Variants in FYTTD1 observed in about 807,000 individuals in gnomAD.
The protein encoded by FYTTD1 is forty-two-three domain containing 1.
In FYTTD1, 22 loss-of-function variants were observed where a neutral mutation model predicts 40.9. That is an observed-to-expected ratio of 0.54 (90% confidence interval 0.38 to 0.77). The LOEUF (loss-of-function observed/expected upper bound fraction) is 0.77. FYTTD1 is among the 30% of genes least tolerant of loss of function. FYTTD1 has a pLI of 0.00. For synonymous variants in FYTTD1, 140 were observed against 137.9 expected (o/e 1.01, Z -0.10); for missense variants, 351 against 392.2 (o/e 0.90, Z 0.89).
intron 1 of FYTTD1, among the ~76,000 whole-genome samples, chr3:197,752,250 C>T (rs981837754): frequency 1.3e-5 from 2 of 150,808 alleles, no homozygotes; most frequent in Non-Finnish European, 3.0e-5. Context: ...AATCCAGATC[C>T]ACACTGTCTC....
At chr3:197,767,642 C>T (rs913579104) in intron 2 of FYTTD1, among the ~76,000 whole-genome samples, 9 of 151,958 alleles carry the variant, frequency 5.9e-5, no homozygotes, top group Non-Finnish European at 1.0e-4. Context: ...TTTTTAGAGG[C>T]GAGGCCTCAC....
At chr3:197,754,275 C>T (rs538386762) in intron 1 of FYTTD1, among the ~76,000 whole-genome samples, 3 of 152,026 alleles carry the variant, frequency 2.0e-5, no homozygotes, top group African/African-American at 7.2e-5. Flanking sequence ...TGATGTTGAC[C>T]TTTTAATTTT....
At position 197,786,044 on chromosome 3, in the gene FYTTD1, A is replaced by G. The variant is rs1181551342; in HGVS notation, c.*4135A>G. The stretch of plus-strand genomic sequence containing the variant: ...ATTTAAAGATTTACTTAGAAATTGT[A>G]GACTTCTAATATCTTTTATTTCCCT... On this transcript the variant is annotated 3_prime_UTR_variant, in exon 9 of 9. Coordinates refer to ENST00000241502, the MANE Select transcript of FYTTD1 (RefSeq NM_032288.7). 1.3e-5 allele frequency: 2 copies of G among 151,120 alleles called. No individual in the cohort carries two copies. The highest frequency in any genetic ancestry group is 3.0e-5 in the Non-Finnish European group (2 of 67,776). 9.4% of individuals were successfully genotyped at this position (151,120 alleles called of 1,614,324 possible).
At chr3:197,750,343 G>C in intron 1 of FYTTD1, 2 of 1,145,144 alleles carry the variant, frequency 1.7e-6, no homozygotes, top group East Asian at 4.1e-5. Context: ...CTGCGGGCCC[G>C]AAGGTTCGCA....
In FYTTD1 at chr3:197,766,430, GGTGTGT is replaced by G. The variant is rs111725145; in HGVS notation, c.236-1984_236-1979del. The stretch of plus-strand genomic sequence containing the variant: ...ATAGGTGTGTGTCGTGTTTGAGACT[GGTGTGT>G]GTGTGTGTGTGTGTGTGTGTGTGTT... On this transcript the variant is annotated intron_variant, in intron 2 of 8. Transcript: ENST00000241502. 1.5e-3 allele frequency among the ~76,000 whole-genome samples: 203 copies of G among 135,068 alleles called. 2 individuals are homozygous for G. Among genetic ancestry groups the G allele is most frequent in the African/African-American group, 5.2e-3 (193 of 36,996 alleles). The allele number at this position is 135,068 out of a possible 152,430, so 88.6% of individuals were successfully genotyped here.
At position 197,782,821 on chromosome 3, in the gene FYTTD1, C is replaced by T. The variant is rs996814798; in HGVS notation, c.*912C>T. ...TTATAACTATTACATTGAATGGAGT[C>T]CCTTGGATATTTTGATAGTAAAATT... On this transcript the variant is annotated 3_prime_UTR_variant, in exon 9 of 9. Transcript: ENST00000241502. 1 of 152,226 alleles carries T rather than the reference C, an allele frequency of 6.6e-6. No homozygotes were observed. Among genetic ancestry groups the T allele is most frequent in the Non-Finnish European group, 1.5e-5 (1 of 68,008 alleles). 9.4% of individuals were successfully genotyped at this position (152,226 alleles called of 1,614,324 possible).
At chr3:197,753,035 T>C (rs754576961) in intron 1 of FYTTD1, among the ~76,000 whole-genome samples, 1 of 152,186 alleles carries the variant, frequency 6.6e-6, no homozygotes, top group Non-Finnish European at 1.5e-5. Context: ...AGCAATGAAG[T>C]GCTGTGGAGA....
At chr3:197,751,363 G>C (rs1368456312) in intron 1 of FYTTD1, among the ~76,000 whole-genome samples, 1 of 152,226 alleles carries the variant, frequency 6.6e-6, no homozygotes, top group African/African-American at 2.4e-5. Flanking sequence ...AGCTGGGGCT[G>C]GGCGCGGTGG....
upstream of FYTTD1, chr3:197,749,675 G>T: frequency 1.4e-6 from 1 of 714,344 alleles, no homozygotes; most frequent in Non-Finnish European, 2.3e-6. Flanking sequence ...GCATCCCCCA[G>T]TTTGGGCGGA....
intron 2 of FYTTD1, among the ~76,000 whole-genome samples, chr3:197,765,359 G>A (rs1426440849): frequency 1.3e-5 from 2 of 152,078 alleles, no homozygotes; most frequent in African/African-American, 4.8e-5. Context: ...GTTAGCATCA[G>A]TCTTATCAGA....
chr3:197,753,125 A>T (rs532299463), intron 1 of FYTTD1, among the ~76,000 whole-genome samples: 44 of 152,274 alleles, frequency 2.9e-4, no homozygotes, highest in African/African-American at 1.1e-3. Context: ...TGAGAATTTT[A>T]CAGAAATGGG....
At chr3:197,751,650 G>T (rs1580441244) in intron 1 of FYTTD1, among the ~76,000 whole-genome samples, 1 of 119,192 alleles carries the variant, frequency 8.4e-6, no homozygotes, top group Non-Finnish European at 1.7e-5. Context: ...CTCCCCCCCC[G>T]CAAAAAAGAG....
intron 2 of FYTTD1, among the ~76,000 whole-genome samples, chr3:197,763,120 A>C (rs191629959): frequency 3.9e-5 from 6 of 152,268 alleles, no homozygotes; most frequent in Admixed American, 3.9e-4. Flanking sequence ...TCTTACTAAT[A>C]GTTTTTATTT....
At chr3:197,780,758 T>C (rs866972266) in intron 8 of FYTTD1, among the ~76,000 whole-genome samples, 9 of 152,060 alleles carry the variant, frequency 5.9e-5, no homozygotes, top group African/African-American at 1.4e-4. Flanking sequence ...TTGGCCAGGC[T>C]GGTCTCAAAC....
chr3:197,774,233 A>C, intron 6 of FYTTD1, 23 bp downstream of exon 6: 1 of 1,597,880 alleles, frequency 6.3e-7, no homozygotes, highest in Non-Finnish European at 8.6e-7. Flanking sequence ...TTGTTTTTTA[A>C]GATGTTATTT....
At chr3:197,759,178 AGTT>A (rs1729294169) in intron 2 of FYTTD1, among the ~76,000 whole-genome samples, 1 of 151,974 alleles carries the variant, frequency 6.6e-6, no homozygotes, top group African/African-American at 2.4e-5. Context: ...GAATGTATAG[AGTT>A]GTTCCTCAGT....
chr3:197,764,155 A>G (rs1334965522), intron 2 of FYTTD1, among the ~76,000 whole-genome samples: 1 of 152,242 alleles, frequency 6.6e-6, no homozygotes, highest in Non-Finnish European at 1.5e-5. Context: ...AGAGAGGCTC[A>G]ATGAATGAAA....
intron 2 of FYTTD1, among the ~76,000 whole-genome samples, chr3:197,764,863 G>GC (rs1473900183): frequency 7.0e-6 from 1 of 143,428 alleles, no homozygotes; most frequent in African/African-American, 2.9e-5. Flanking sequence ...TTTTTTTTGG[G>GC]GGGGGAGGAT....
At chr3:197,749,564 G>A (rs1400993318), upstream of FYTTD1, 13 of 1,291,598 alleles carry the variant, frequency 1.0e-5, no homozygotes, top group Non-Finnish European at 1.3e-5. Context: ...AAAGGCTCGT[G>A]TGTACCGAAG....
Sources: allele counts gnomAD v4.1 joint callset (sites outside exome capture counted in the v4.1 genomes callset), GRCh38; gene constraint gnomAD v4.1.1; transcripts MANE v1.5; gene names NCBI Gene and HGNC (gene_info 2026-07-23, HGNC 2026-07-21).